PRRX1: variants seen among roughly 807,000 people sequenced by gnomAD.
PRRX1 encodes the protein paired related homeobox 1.
In PRRX1, 8 loss-of-function variants were observed where a neutral mutation model predicts 24.0. That is an observed-to-expected ratio of 0.33 (90% CI 0.20 to 0.60). The LOEUF (loss-of-function observed/expected upper bound fraction) is 0.60, where lower values mean the gene tolerates loss of function less well. Ranked by LOEUF, PRRX1 falls within the 20% of genes least tolerant of loss-of-function variation. The probability of loss-of-function intolerance (pLI) is 0.82; values close to 1 mark genes in which losing one functional copy is unlikely to be tolerated. For missense variants in PRRX1, 281 were observed against 322.4 expected (o/e 0.87, Z 0.98); for synonymous variants, 160 against 131.7 (o/e 1.22, Z -1.47).
Position 170,695,790 on chromosome 1 carries a change from G to A in PRRX1, c.242-23936G>A, listed in dbSNP as rs939826730. On this transcript the variant is annotated intron_variant, in intron 1 of 3. Transcript: ENST00000239461. Reference sequence around the variant, plus strand: ...ACGTGCATCTTTTCCTTCAAATATCGTGATCCCCATCCTTCTTTTCTCTTT... The same window carrying A: ...ACGTGCATCTTTTCCTTCAAATATCATGATCCCCATCCTTCTTTTCTCTTT... Among the ~76,000 whole-genome samples, 29 of 151,714 alleles carry A rather than the reference G, an allele frequency of 1.9e-4. 1 individual carries two copies. The highest frequency in any genetic ancestry group is 1.6e-3 in the Admixed American group (25 of 15,212).
At chr1:170,735,919 A>G in intron 3 of PRRX1, 129 bp from the exon 4 acceptor site, 1 of 1,247,534 alleles carries the variant, frequency 8.0e-7, no homozygotes, top group East Asian at 2.3e-5. Flanking sequence ...GGGACCCTAG[A>G]GGTCATCTAG....
intron 1 of PRRX1, among the ~76,000 whole-genome samples, chr1:170,695,409 T>C (rs1654135319): frequency 6.6e-6 from 1 of 152,204 alleles, no homozygotes; most frequent in Non-Finnish European, 1.5e-5. Context: ...TGGATGTTTT[T>C]CTCTTTTTAC....
At chr1:170,680,655 G>T (rs1007749465) in intron 1 of PRRX1, among the ~76,000 whole-genome samples, 9 of 152,218 alleles carry the variant, frequency 5.9e-5, no homozygotes, top group Admixed American at 5.2e-4. Flanking sequence ...TACGTCAGAA[G>T]TAATTCACCA....
intron 1 of PRRX1, among the ~76,000 whole-genome samples, chr1:170,700,117 T>C (rs1181841359): frequency 6.6e-6 from 1 of 152,224 alleles, no homozygotes; most frequent in Non-Finnish European, 1.5e-5. Flanking sequence ...TATGGCCTCC[T>C]ATGGCCATTT....
At chr1:170,672,257 T>TA (rs1408455731) in intron 1 of PRRX1, among the ~76,000 whole-genome samples, 2 of 152,144 alleles carry the variant, frequency 1.3e-5, no homozygotes, top group Non-Finnish European at 1.5e-5. Flanking sequence ...TTCGACTTCT[T>TA]ACCACTCCCT....
In PRRX1 at chr1:170,736,268, T is replaced by TG. The variant is rs1655599725; in HGVS notation, c.*88dup. 6.4e-7 allele frequency: 1 copy of TG among 1,557,120 alleles called. No individual in the cohort carries two copies. The highest frequency in any genetic ancestry group is 1.1e-5 in the South Asian group (1 of 87,734). On this transcript the variant is annotated 3_prime_UTR_variant, in exon 4 of 4. Coordinates refer to ENST00000239461, the MANE Select transcript of PRRX1 (RefSeq NM_022716.4). ...CCTGCTCTGTTATTTCTTCATCTGC[T>TG]GGGGGGAAAAAGTAAATTACAAACA...
chr1:170,708,836 A>G (rs942313565), intron 1 of PRRX1, among the ~76,000 whole-genome samples: 9 of 152,178 alleles, frequency 5.9e-5, no homozygotes, highest in African/African-American at 2.2e-4. Flanking sequence ...TGATCCTGGA[A>G]TTTACATGCC....
At chr1:170,709,866 C>T (rs997701956) in intron 1 of PRRX1, among the ~76,000 whole-genome samples, 1 of 152,194 alleles carries the variant, frequency 6.6e-6, no homozygotes, top group African/African-American at 2.4e-5. Flanking sequence ...AAGGCTGACG[C>T]CACTTGACTC....
rs554968012 is a variant in PRRX1, at chr1:170,701,988, T to C, written c.242-17738T>C. On this transcript the variant is annotated intron_variant, in intron 1 of 3. Coordinates refer to ENST00000239461, the MANE Select transcript of PRRX1 (RefSeq NM_022716.4). The stretch of plus-strand genomic sequence containing the variant: ...CAGGGACCGGTTTCATGGAAGTCAA[T>C]TTTTCCATGGATGGGGGAAGGCGGG... Among the ~76,000 whole-genome samples the C allele has an allele frequency of 2.5e-3, 373 of 151,922 alleles. 2 individuals are homozygous for C. The highest frequency in any genetic ancestry group is 0.014 in the Middle Eastern group (4 of 292).
intron 1 of PRRX1, among the ~76,000 whole-genome samples, chr1:170,718,896 G>A (rs1654994226): frequency 6.6e-6 from 1 of 152,154 alleles, no homozygotes; most frequent in South Asian, 2.1e-4. Flanking sequence ...CTACCTTCAG[G>A]GGAACTCAGA....
chr1:170,666,893 C>T (rs896227514), intron 1 of PRRX1, among the ~76,000 whole-genome samples: 1 of 151,940 alleles, frequency 6.6e-6, no homozygotes, highest in African/African-American at 2.4e-5. Context: ...CGAGCAGATT[C>T]GGAGGCGACG....
chr1:170,686,179 C>CAAAAAA lies in PRRX1; in HGVS notation c.241+21731_241+21736dup, dbSNP rs397754426. Among the ~76,000 whole-genome samples the CAAAAAA allele has an allele frequency of 5.0e-4, 53 of 105,230 alleles. 1 individual carries two copies. Among genetic ancestry groups the CAAAAAA allele is most frequent in the African/African-American group, 1.7e-3 (50 of 28,948 alleles). The allele number at this position is 105,230 out of a possible 152,430, so 69.0% of individuals were successfully genotyped here. A position where few individuals can be genotyped will look rare whatever the true frequency, so the allele number is the denominator to read the frequency against. On this transcript the variant is annotated intron_variant, in intron 1 of 3. Transcript: ENST00000239461. ...CCTGATAGATCCTTAGTTAAGGGTACAAAAAAAAAAAAAAAACAAGTTGCT... is the reference window on the plus strand; with the variant it reads ...CCTGATAGATCCTTAGTTAAGGGTACAAAAAAAAAAAAAAAAAAAAAACAAGTTGCT...
intron 1 of PRRX1, among the ~76,000 whole-genome samples, chr1:170,719,178 C>T (rs994574970): frequency 2.6e-5 from 4 of 152,188 alleles, no homozygotes; most frequent in African/African-American, 9.6e-5. Flanking sequence ...TTAGAAATTA[C>T]TTGCTGCTTC....
intron 1 of PRRX1, among the ~76,000 whole-genome samples, chr1:170,702,821 G>T (rs17551016): frequency 0.22 from 33,562 of 152,122 alleles, 4,498 homozygotes; most frequent in Middle Eastern, 0.36. Flanking sequence ...AACCCAGAAA[G>T]CTAGGTTGCA....
intron 1 of PRRX1, among the ~76,000 whole-genome samples, chr1:170,718,545 T>C (rs900114400): frequency 1.3e-5 from 2 of 152,230 alleles, no homozygotes; most frequent in African/African-American, 4.8e-5. Context: ...AAATAGTGAA[T>C]GGCCAAGCTC....
At chr1:170,679,601 G>A (rs566562359) in intron 1 of PRRX1, among the ~76,000 whole-genome samples, 8 of 152,158 alleles carry the variant, frequency 5.3e-5, no homozygotes, top group African/African-American at 9.6e-5. Flanking sequence ...GGGCTTCACC[G>A]TGTTAGCCAG....
In PRRX1 at chr1:170,704,747, T is replaced by C. The variant is rs551962508; in HGVS notation, c.242-14979T>C. Among the ~76,000 whole-genome samples, 37 of 152,322 alleles carry C rather than the reference T, an allele frequency of 2.4e-4. No individual in the cohort carries two copies. In the South Asian group the frequency reaches 7.7e-3, roughly 32 times the overall value. Reference sequence around the variant, plus strand: ...CCCCAACAGATCTGCACCTGGTGTGTAATAGACTATACCCAAAACATTTCC... The same window carrying C: ...CCCCAACAGATCTGCACCTGGTGTGCAATAGACTATACCCAAAACATTTCC... On this transcript the variant is annotated intron_variant, in intron 1 of 3. Coordinates refer to ENST00000239461, the MANE Select transcript of PRRX1 (RefSeq NM_022716.4).
intron 3 of PRRX1, chr1:170,728,967 G>A (rs1460820948): frequency 6.6e-6 from 1 of 152,164 alleles, no homozygotes; most frequent in East Asian, 1.9e-4. Flanking sequence ...TGTCAAGTTA[G>A]TTATCTCACA....
At chr1:170,692,520 T>G (rs984400831) in intron 1 of PRRX1, among the ~76,000 whole-genome samples, 2 of 150,056 alleles carry the variant, frequency 1.3e-5, no homozygotes, top group Middle Eastern at 3.5e-3. Context: ...AAGTTAAAGC[T>G]GTTTTTTTTT....
Sources: allele counts gnomAD v4.1 joint callset (sites outside exome capture counted in the v4.1 genomes callset), GRCh38; gene constraint gnomAD v4.1.1; transcripts MANE v1.5; gene names NCBI Gene and HGNC (gene_info 2026-07-23, HGNC 2026-07-21).